The following FLI1 variants were observed in gnomAD, a reference collection of about 807,000 sequenced individuals.
The protein encoded by FLI1 is Fli-1 proto-oncogene, ETS transcription factor.
FLI1 carries 13 observed loss-of-function variants against 53.1 expected under a neutral mutation model. The ratio of observed to expected loss-of-function variants is 0.24; its 90% CI spans 0.16 to 0.39. The LOEUF (loss-of-function observed/expected upper bound fraction) is 0.39. Ranked by LOEUF, FLI1 falls within the 10% of genes least tolerant of loss-of-function variation. The pLI, the probability that FLI1 is intolerant of heterozygous loss-of-function variation, is 1.00. For missense variants in FLI1, 424 were observed against 600.5 expected, an observed-to-expected ratio of 0.71 and a Z score of 3.07; for synonymous variants, 244 against 236.7, an observed-to-expected ratio of 1.03 and a Z score of -0.28.
intron 1 of FLI1, among the ~76,000 whole-genome samples, chr11:128,697,290 A>T (rs1938122176): frequency 6.6e-6 from 1 of 152,356 alleles, no homozygotes; most frequent in East Asian, 1.9e-4. Context: ...GTGTCATTAC[A>T]GATGGGGAGA....
chr11:128,809,170 C>T lies in FLI1; in HGVS notation c.795C>T (p.Ile265=). 6.2e-7 allele frequency: 1 copy of T among 1,613,932 alleles called. No individual in the cohort carries two copies. Among genetic ancestry groups the T allele is most frequent in the Non-Finnish European group, 8.5e-7 (1 of 1,179,820 alleles). The change falls in exon 8 of 9, where the codon ATC becomes ATT. Residue 265 remains isoleucine (I), a synonymous_variant. Transcript: ENST00000527786. ...TTATTTCCTTAGATCCGTATCAGAT[C>T]CTGGGCCCGACCAGCAGTCGCCTAG... ...EQRPQPDPYQ[I]LGPTSSRLAN...
intron 5 of FLI1, among the ~76,000 whole-genome samples, chr11:128,790,544 G>T (rs1942241339): frequency 6.6e-6 from 1 of 152,288 alleles, no homozygotes; most frequent in African/African-American, 2.4e-5. Context: ...TAAGTAAAAG[G>T]ACTGTTATTT....
intron 7 of FLI1, 60 bp downstream of exon 7, chr11:128,807,299 G>C: frequency 8.3e-7 from 1 of 1,197,860 alleles, no homozygotes; most frequent in Non-Finnish European, 1.2e-6. Context: ...GATTTCACAT[G>C]GTCAACTGAT....
chr11:128,694,397 C>T, intron 1 of FLI1, 121 bp downstream of exon 1: 1 of 808,708 alleles, frequency 1.2e-6, no homozygotes, highest in Non-Finnish European at 1.7e-6. Context: ...CTCCGCGCCC[C>T]GGCTTCGCGC....
chr11:128,760,263 G>A (rs1941054691), intron 2 of FLI1, among the ~76,000 whole-genome samples: 1 of 152,284 alleles, frequency 6.6e-6, no homozygotes, highest in African/African-American at 2.4e-5. Flanking sequence ...GGGCTTTCAG[G>A]GGACAGTGCT....
intron 1 of FLI1, among the ~76,000 whole-genome samples, chr11:128,697,856 G>A (rs1010840230): frequency 2.6e-5 from 4 of 152,218 alleles, no homozygotes; most frequent in African/African-American, 7.2e-5. Flanking sequence ...GAATGTAGAC[G>A]CTAGTGGAGG....
At chr11:128,711,500 T>C (rs1283506353) in intron 1 of FLI1, among the ~76,000 whole-genome samples, 1 of 152,262 alleles carries the variant, frequency 6.6e-6, no homozygotes, top group African/African-American at 2.4e-5. Flanking sequence ...AATGTAATAC[T>C]TTATTTCCCT....
chr11:128,690,253 T>C (rs1937679694), upstream of FLI1, among the ~76,000 whole-genome samples: 1 of 151,904 alleles, frequency 6.6e-6, no homozygotes, highest in Admixed American at 6.5e-5. Flanking sequence ...CCTCTCCTCC[T>C]CCCCCTTTGC....
chr11:128,784,701 C>G (rs1942032930), intron 5 of FLI1, among the ~76,000 whole-genome samples: 1 of 151,474 alleles, frequency 6.6e-6, no homozygotes, highest in African/African-American at 2.5e-5. Context: ...TCCCTCTATC[C>G]TCCCTGCCTC....
At chr11:128,740,303 T>C (rs1286088316) in intron 1 of FLI1, among the ~76,000 whole-genome samples, 1 of 152,244 alleles carries the variant, frequency 6.6e-6, no homozygotes, top group African/African-American at 2.4e-5. Context: ...CGACAAATTA[T>C]GGTGTCTAAA....
intron 1 of FLI1, among the ~76,000 whole-genome samples, chr11:128,688,537 C>T (rs889705750): frequency 2.6e-5 from 4 of 152,206 alleles, no homozygotes; most frequent in Non-Finnish European, 5.9e-5. Context: ...AGGCACCCGG[C>T]TCAGGAGTTG....
At chr11:128,708,037 T>C (rs1264801531) in intron 1 of FLI1, among the ~76,000 whole-genome samples, 1 of 152,194 alleles carries the variant, frequency 6.6e-6, no homozygotes, top group Non-Finnish European at 1.5e-5. Context: ...GTTTTGTTAG[T>C]GTGCACAGTA....
chr11:128,707,640 G>A (rs899502076), intron 1 of FLI1, among the ~76,000 whole-genome samples: 2 of 152,208 alleles, frequency 1.3e-5, no homozygotes, highest in South Asian at 2.1e-4. Context: ...AATTACCATG[G>A]CTCCCCCTCC....
chr11:128,700,889 G>A (rs1001950650), intron 1 of FLI1, among the ~76,000 whole-genome samples: 3 of 152,212 alleles, frequency 2.0e-5, no homozygotes, highest in Admixed American at 6.5e-5. Context: ...ATAATAACTT[G>A]GGTCTTGTAA....
chr11:128,782,883 T>TA (rs1941963995), intron 5 of FLI1, among the ~76,000 whole-genome samples: 1 of 152,230 alleles, frequency 6.6e-6, no homozygotes, highest in South Asian at 2.1e-4. Flanking sequence ...GTGGTTCAGA[T>TA]ACTGTTAGAT....
chr11:128,751,825 G>GTTTTTT (rs1234798086), intron 1 of FLI1, among the ~76,000 whole-genome samples: 1 of 140,738 alleles, frequency 7.1e-6, no homozygotes, highest in African/African-American at 2.7e-5. Context: ...TTTTTTTTTG[G>GTTTTTT]GTTTGTTTTT....
At chr11:128,777,686 C>T (rs1261965907) in intron 4 of FLI1, among the ~76,000 whole-genome samples, 12 of 152,210 alleles carry the variant, frequency 7.9e-5, no homozygotes, top group Admixed American at 7.9e-4. Flanking sequence ...TTGCACCCTC[C>T]CGCTCCTGCA....
At chr11:128,754,698 C>T (rs924626244) in intron 1 of FLI1, among the ~76,000 whole-genome samples, 4 of 152,180 alleles carry the variant, frequency 2.6e-5, no homozygotes, top group African/African-American at 7.2e-5. Context: ...CAGCAGTATT[C>T]ACAACTTGCA....
At chr11:128,784,724 C>T (rs1341785563) in intron 5 of FLI1, among the ~76,000 whole-genome samples, 2 of 152,252 alleles carry the variant, frequency 1.3e-5, no homozygotes, top group African/African-American at 2.4e-5. Context: ...CCCCACCTCT[C>T]ACTGGCTCTC....
Sources: allele counts gnomAD v4.1 joint callset (sites outside exome capture counted in the v4.1 genomes callset), GRCh38; gene constraint gnomAD v4.1.1; transcripts MANE v1.5; gene names NCBI Gene and HGNC (gene_info 2026-07-23, HGNC 2026-07-21).